Variants in AIFM3 observed in about 807,000 individuals in gnomAD.
The protein encoded by AIFM3 is apoptosis-inducing factor 3.
Under a neutral mutation model 82.7 loss-of-function variants are expected in AIFM3, and 71 were observed. That is an observed-to-expected ratio of 0.86 (90% CI 0.71 to 1.05). The LOEUF is 1.05. Ranked by LOEUF, AIFM3 falls within the 50% of genes least tolerant of loss-of-function variation. The pLI is 0.00. For missense variants in AIFM3, 748 were observed against 816.7 expected (o/e 0.92, Z 1.03); for synonymous variants, 337 against 329.1 (o/e 1.02, Z -0.26).
Position 20,978,059 on chromosome 22 carries a change from G to C in AIFM3, c.1477+54G>C, listed in dbSNP as rs1923814437. Reference sequence around the variant, plus strand: ...GGTGGGAGGGAGTCTCAGGGTCTCAGTGTCCCCATGCCCATGCCTCAGTTG... The same window carrying C: ...GGTGGGAGGGAGTCTCAGGGTCTCACTGTCCCCATGCCCATGCCTCAGTTG... On this transcript the variant is annotated intron_variant, in intron 16 of 20. Coordinates refer to ENST00000440238, the MANE Select transcript of AIFM3 (RefSeq NM_001386814.1). 3.2e-6 allele frequency: 5 copies of C among 1,547,006 alleles called. No individual in the cohort carries two copies. In the Admixed American group the frequency reaches 5.0e-5, roughly 16 times the overall value.
At chr22:20,966,808 G>A (rs2147931615), upstream of AIFM3, 1 of 152,414 alleles carries the variant, frequency 6.6e-6, no homozygotes, top group Middle Eastern at 3.4e-3. Context: ...AGGGTGATAT[G>A]GGGGCTTTCT....
At position 20,981,023 on chromosome 22, in the gene AIFM3, G is replaced by T; in HGVS notation, c.1810G>T (p.Gly604Ter). 9.3e-6 allele frequency: 15 copies of T among 1,614,174 alleles called. No homozygotes were observed. Among genetic ancestry groups the T allele is most frequent in the Non-Finnish European group, 1.3e-5 (15 of 1,180,004 alleles). ...TGDMSWLTGK[G>*]S ...CGACATGTCCTGGCTTACGGGGAAA[G>T]GATCCTGAGCTCACATGCAGTAGAC... is the stretch of plus-strand genomic sequence containing the variant. The change falls in exon 21 of 21, where the codon GGA (glycine) becomes TGA (stop). Residue 604 changes from glycine (G) to a stop codon, truncating the protein, a stop_gained. Coordinates refer to ENST00000440238, the MANE Select transcript of AIFM3 (RefSeq NM_001386814.1). LOFTEE classifies it high-confidence loss of function.
Position 20,981,351 on chromosome 22 carries a change from T to G in AIFM3, c.*320T>G. Reference sequence around the variant, plus strand: ...TTACCGTAAAATTAAAACGCACAAATTTGCAGATCTGTATGACTCCCAGTG... The same window carrying G: ...TTACCGTAAAATTAAAACGCACAAAGTTGCAGATCTGTATGACTCCCAGTG... On this transcript the variant is annotated 3_prime_UTR_variant, in exon 21 of 21. Transcript: ENST00000440238. 2.7e-6 allele frequency: 1 copy of G among 373,774 alleles called. No individual in the cohort carries two copies. The highest frequency in any genetic ancestry group is 5.1e-6 in the Non-Finnish European group (1 of 195,768). 23.2% of individuals were successfully genotyped at this position (373,774 alleles called of 1,614,324 possible). A position where few individuals can be genotyped will look rare whatever the true frequency, so the allele number is the denominator to read the frequency against.
upstream of AIFM3, chr22:20,965,463 C>A (rs1011972823): frequency 6.6e-6 from 1 of 152,454 alleles, no homozygotes; most frequent in Non-Finnish European, 1.5e-5. Flanking sequence ...AGTCCCCCTT[C>A]TCGGGCTGCA....
chr22:20,965,429 CG>C (rs1279279878), upstream of AIFM3: 1 of 152,238 alleles, frequency 6.6e-6, no homozygotes, highest in East Asian at 1.9e-4. Flanking sequence ...CTTCCCGGCT[CG>C]CCGCGGGGCC....
rs1476323174 is a variant in AIFM3, at chr22:20,979,609, C to T, written c.1577-18C>T. ...TCCCCCGGCTCACGTGGGTGCCACC[C>T]ACCTGCCCGGCCCACAGGCTACGGA... is the stretch of plus-strand genomic sequence containing the variant. On this transcript the variant is annotated intron_variant, in intron 17 of 20. Coordinates refer to ENST00000440238, the MANE Select transcript of AIFM3 (RefSeq NM_001386814.1). 1.2e-6 allele frequency: 2 copies of T among 1,613,902 alleles called. No individual in the cohort carries two copies. Among genetic ancestry groups the T allele is most frequent in the Non-Finnish European group, 1.7e-6 (2 of 1,179,964 alleles).
rs117499382 is a variant in AIFM3, at chr22:20,967,569, C to T, written c.-140-236C>T. ...TGGGCAAGGCAGCCGCGGGGCTGGACGATGGGCGGCCGAGGTTCGGGCAGA... is the reference window on the plus strand; with the variant it reads ...TGGGCAAGGCAGCCGCGGGGCTGGATGATGGGCGGCCGAGGTTCGGGCAGA... On this transcript the variant is annotated intron_variant, in intron 1 of 20. Transcript: ENST00000440238. 3.0e-3 allele frequency among the ~76,000 whole-genome samples: 463 copies of T among 152,208 alleles called. 13 individuals carry two copies. In the East Asian group the frequency reaches 0.06, roughly 20 times the overall value.
intron 18 of AIFM3, 58 bp from the exon 19 acceptor site, chr22:20,979,962 T>G: frequency 6.6e-7 from 1 of 1,523,524 alleles, no homozygotes; most frequent in Non-Finnish European, 8.9e-7. Context: ...TGCATCAGGG[T>G]TTTCAAAAAG....
At chr22:20,980,646 A>G in intron 19 of AIFM3, 101 bp from the exon 20 acceptor site, 1 of 1,513,310 alleles carries the variant, frequency 6.6e-7, no homozygotes, top group Non-Finnish European at 9.2e-7. Flanking sequence ...AGACAGGGGC[A>G]GGCTTCAGGC....
At chr22:20,975,616 G>T in intron 8 of AIFM3, 76 bp from the exon 9 acceptor site, 1 of 1,461,278 alleles carries the variant, frequency 6.8e-7, no homozygotes, top group African/African-American at 1.4e-5. Flanking sequence ...ATGTGACTGG[G>T]GCTGGCCCCA....
Position 20,979,750 on chromosome 22 carries a change from C to A in AIFM3, c.1652+48C>A, listed in dbSNP as rs758142515. 3.7e-6 allele frequency: 6 copies of A among 1,605,084 alleles called. No individual in the cohort carries two copies. In the Admixed American group the frequency reaches 1.0e-4, roughly 27 times the overall value. On this transcript the variant is annotated intron_variant, in intron 18 of 20. Transcript: ENST00000440238. Reference sequence around the variant, plus strand: ...TGGCGCGAAGCAGCGGGAGCTCAGTCGGGAAGGGGGATTCATCCCAGGCAA... The same window carrying A: ...TGGCGCGAAGCAGCGGGAGCTCAGTAGGGAAGGGGGATTCATCCCAGGCAA...
chr22:20,979,218 T>C (rs962630370), intron 16 of AIFM3, 53 bp from the exon 17 acceptor site: 8 of 1,529,002 alleles, frequency 5.2e-6, no homozygotes, highest in Non-Finnish European at 7.1e-6. Context: ...GAGCAGGTAG[T>C]GTGGGAGTGG....
At chr22:20,978,695 C>T (rs1354220809) in intron 16 of AIFM3, among the ~76,000 whole-genome samples, 1 of 151,922 alleles carries the variant, frequency 6.6e-6, no homozygotes, top group Non-Finnish European at 1.5e-5. Flanking sequence ...CTTCTGGTAC[C>T]AATTTCTATT....
rs745356817 is a variant in AIFM3 at position 20,979,412 on chromosome 22, AGGGGCGGGGCTTGGGTGT to A, written c.1576+55_1576+72del. ...GATGGGGGCGGGGCCGAGGGCGTTT[AGGGGCGGGGCTTGGGTGT>A]GGGGCGGGGCTGGGAGCCTAGGGGC... On this transcript the variant is annotated intron_variant, in intron 17 of 20. Transcript: ENST00000440238. 27 of 393,542 alleles carry A rather than the reference AGGGGCGGGGCTTGGGTGT, an allele frequency of 6.9e-5. No individual in the cohort carries two copies. The South Asian group carries it at 7.5e-4, about 11-fold the overall frequency. 24.4% of individuals were successfully genotyped at this position (393,542 alleles called of 1,614,324 possible).
rs1045497610 is a variant in AIFM3, at chr22:20,973,752, C to T, written c.246-6C>T. On this transcript the variant is annotated splice_polypyrimidine_tract_variant and splice_region_variant and intron_variant, in intron 3 of 20. Coordinates refer to ENST00000440238, the MANE Select transcript of AIFM3 (RefSeq NM_001386814.1). ...GGCCTGACCTCTGAGTGCTGCGGTT[C>T]CCCAGGATGCGGGAAGTGGAGCTGG... 6 of 1,544,288 alleles carry T rather than the reference C, an allele frequency of 3.9e-6. No individual in the cohort carries two copies. The African/African-American group carries it at 4.1e-5, about 11-fold the overall frequency.
chr22:20,970,969 CA>C (rs1923230659), intron 2 of AIFM3, among the ~76,000 whole-genome samples: 1 of 152,214 alleles, frequency 6.6e-6, no homozygotes, highest in South Asian at 2.1e-4. Flanking sequence ...TATGGGCAGC[CA>C]GAAGTCATGG....
intron 2 of AIFM3, among the ~76,000 whole-genome samples, chr22:20,969,081 C>T (rs730351): frequency 0.41 from 62,518 of 152,104 alleles, 14,261 homozygotes; most frequent in Non-Finnish European, 0.51. Context: ...GGGCAGATGA[C>T]GTCCATTGTC....
At chr22:20,969,050 C>G (rs893084677) in intron 2 of AIFM3, among the ~76,000 whole-genome samples, 5 of 152,248 alleles carry the variant, frequency 3.3e-5, no homozygotes, top group Non-Finnish European at 5.9e-5. Flanking sequence ...CTGGATCCCT[C>G]TCTGCCTCAA....
chr22:20,973,176 G>C, intron 2 of AIFM3, 131 bp from the exon 3 acceptor site: 1 of 1,041,554 alleles, frequency 9.6e-7, no homozygotes. Context: ...GGTGCAGAGG[G>C]AATTCTGGGG....
Sources: allele counts gnomAD v4.1 joint callset (sites outside exome capture counted in the v4.1 genomes callset), GRCh38; gene constraint gnomAD v4.1.1; transcripts MANE v1.5; gene names NCBI Gene and HGNC (gene_info 2026-07-23, HGNC 2026-07-21).